TMEM117: variants seen among roughly 807,000 people sequenced by gnomAD.
The protein encoded by TMEM117 is transmembrane protein 117.
TMEM117 carries 27 observed loss-of-function variants against 52.4 expected under a neutral mutation model. The observed-to-expected ratio is 0.51, with a 90% CI of 0.38 to 0.71. The LOEUF is 0.71. Ranked by LOEUF, TMEM117 falls within the 30% of genes least tolerant of loss-of-function variation. The pLI is 0.00. For missense variants in TMEM117, 556 were observed against 630.5 expected, an observed-to-expected ratio of 0.88 and a Z score of 1.26; for synonymous variants, 215 against 206.3, an observed-to-expected ratio of 1.04 and a Z score of -0.36.
At chr12:44,232,613 T>C (rs993304909) in intron 5 of TMEM117, among the ~76,000 whole-genome samples, 41 of 151,598 alleles carry the variant, frequency 2.7e-4, no homozygotes, top group African/African-American at 9.2e-4. Context: ...ACTTTATGAA[T>C]CAGCATGTCA....
intron 3 of TMEM117, among the ~76,000 whole-genome samples, chr12:43,990,247 A>T (rs1945916144): frequency 6.6e-6 from 1 of 152,140 alleles, no homozygotes; most frequent in Non-Finnish European, 1.5e-5. Flanking sequence ...CCCACGTGAA[A>T]AATGTAGATG....
Position 43,861,305 on chromosome 12 carries a change from G to A in TMEM117, c.277+16377G>A, listed in dbSNP as rs3829807. Among the ~76,000 whole-genome samples, 1,329 of 152,186 alleles carry A rather than the reference G, an allele frequency of 8.7e-3. 37 individuals carry two copies. The highest frequency in any genetic ancestry group is 0.067 in the East Asian group (346 of 5,170). On this transcript the variant is annotated intron_variant, in intron 2 of 7. Transcript: ENST00000266534. ...GATGAATAGATTTTCTGTCCATGTC[G>A]GGGAGGGGGTTGTAGAGATGGAGGT...
chr12:44,002,470 A>G (rs1411775525), intron 3 of TMEM117, among the ~76,000 whole-genome samples: 1 of 151,980 alleles, frequency 6.6e-6, no homozygotes. Context: ...CCAAAGTCTC[A>G]CCCTGAGATA....
At chr12:43,862,902 G>A (rs1274796352) in intron 2 of TMEM117, among the ~76,000 whole-genome samples, 1 of 152,224 alleles carries the variant, frequency 6.6e-6, no homozygotes, top group Non-Finnish European at 1.5e-5. Flanking sequence ...GGGAGGCAGA[G>A]GTTGCAGTGA....
Position 44,207,343 on chromosome 12 carries a change from A to T in TMEM117, c.511-3947A>T, listed in dbSNP as rs542219470. 2.0e-5 allele frequency among the ~76,000 whole-genome samples: 3 copies of T among 152,322 alleles called. No individual in the cohort carries two copies. In the East Asian group the frequency reaches 5.8e-4, roughly 29 times the overall value. On this transcript the variant is annotated intron_variant, in intron 4 of 7. Coordinates refer to ENST00000266534, the MANE Select transcript of TMEM117 (RefSeq NM_032256.3). ...ATATGACTTTAGATACAGTATATGT[A>T]GTACCTGCGTGGGAATTAGCTTGTA...
chr12:44,397,999 GT>G, the TMEM117 span, among the ~76,000 whole-genome samples: 9 of 151,714 alleles, frequency 5.9e-5, no homozygotes, highest in African/African-American at 2.2e-4. Flanking sequence ...AGTGTAAGCT[GT>G]TTTTCTACTC....
intron 3 of TMEM117, among the ~76,000 whole-genome samples, chr12:44,130,226 T>C (rs1183598004): frequency 6.6e-6 from 1 of 152,196 alleles, no homozygotes; most frequent in African/African-American, 2.4e-5. Flanking sequence ...CACAGGTATA[T>C]CTTAATTATT....
At chr12:44,362,048 A>G (rs959136695) in intron 6 of TMEM117, among the ~76,000 whole-genome samples, 3 of 152,138 alleles carry the variant, frequency 2.0e-5, no homozygotes, top group African/African-American at 7.2e-5. Flanking sequence ...GGGCTAGATC[A>G]TTCTCATCCT....
At chr12:44,306,746 C>T (rs1266094469) in intron 6 of TMEM117, among the ~76,000 whole-genome samples, 1 of 152,016 alleles carries the variant, frequency 6.6e-6, no homozygotes. Flanking sequence ...TCACATGCAC[C>T]AAATAATGTG....
chr12:44,268,506 A>G (rs1000746025), intron 5 of TMEM117, among the ~76,000 whole-genome samples: 2 of 152,052 alleles, frequency 1.3e-5, no homozygotes, highest in African/African-American at 4.8e-5. Flanking sequence ...GAAATACTAC[A>G]TATGTATGAG....
chr12:43,906,198 C>CA (rs1336344236), intron 2 of TMEM117, among the ~76,000 whole-genome samples: 1 of 152,164 alleles, frequency 6.6e-6, no homozygotes, highest in East Asian at 1.9e-4. Context: ...TGCTATGGCT[C>CA]ATGCCTGAAA....
chr12:43,986,451 C>T (rs1945848366), intron 3 of TMEM117, among the ~76,000 whole-genome samples: 1 of 152,042 alleles, frequency 6.6e-6, no homozygotes, highest in African/African-American at 2.4e-5. Context: ...ACTTTGTTGT[C>T]CTATGGCATC....
chr12:44,145,735 T>C (rs1384012388), intron 4 of TMEM117, among the ~76,000 whole-genome samples: 1 of 152,158 alleles, frequency 6.6e-6, no homozygotes, highest in African/African-American at 2.4e-5. Flanking sequence ...CTGGAGTTTA[T>C]TTCAATCGCC....
At chr12:44,098,368 C>T (rs575684261) in intron 3 of TMEM117, among the ~76,000 whole-genome samples, 18 of 152,042 alleles carry the variant, frequency 1.2e-4, no homozygotes, top group Non-Finnish European at 1.9e-4. Context: ...AAGACAGAGA[C>T]AGCAGGCATT....
At chr12:43,947,965 G>A (rs751096574) in intron 3 of TMEM117, among the ~76,000 whole-genome samples, 1 of 152,096 alleles carries the variant, frequency 6.6e-6, no homozygotes, top group Non-Finnish European at 1.5e-5. Flanking sequence ...CTAAACTGGG[G>A]TCTCATGATC....
chr12:44,230,896 TC>T (rs1361809170), intron 5 of TMEM117, among the ~76,000 whole-genome samples: 2 of 151,928 alleles, frequency 1.3e-5, no homozygotes, highest in Non-Finnish European at 2.9e-5. Context: ...TTATCCCTCC[TC>T]CCTGAAGCAC....
chr12:44,384,894 T>C (rs1395267819), intron 7 of TMEM117, among the ~76,000 whole-genome samples: 2 of 152,164 alleles, frequency 1.3e-5, no homozygotes, highest in Non-Finnish European at 2.9e-5. Context: ...ACACAACATC[T>C]CATTTTATCC....
rs11182310 is a variant in TMEM117, at chr12:43,862,189, G to A, written c.277+17261G>A. Reference sequence around the variant, plus strand: ...GAAATAAACTTTTGTCTTTTTTTGAGATGGAGTCTTGTTCCTTTGCCCAGG... The same window carrying A: ...GAAATAAACTTTTGTCTTTTTTTGAAATGGAGTCTTGTTCCTTTGCCCAGG... On this transcript the variant is annotated intron_variant, in intron 2 of 7. Transcript: ENST00000266534. Among the ~76,000 whole-genome samples the A allele has an allele frequency of 8.7e-3, 1,328 of 152,212 alleles. 38 individuals carry two copies. The highest frequency in any genetic ancestry group is 0.067 in the East Asian group (345 of 5,180).
Position 44,199,501 on chromosome 12 carries a change from C to T in TMEM117, c.511-11789C>T, listed in dbSNP as rs143190121. On this transcript the variant is annotated intron_variant, in intron 4 of 7. Transcript: ENST00000266534. ...CAATATACTGACCAATATATGACCA[C>T]ATTTTCTTCAATGAAATTGAATAAA... is the stretch of plus-strand genomic sequence containing the variant. Among the ~76,000 whole-genome samples the T allele has an allele frequency of 9.9e-5, 15 of 152,220 alleles. No homozygotes were observed. The East Asian group carries it at 1.5e-3, about 16-fold the overall frequency.
Sources: gnomAD v4.1 joint callset for allele counts (sites outside exome capture counted in the v4.1 genomes callset) on GRCh38, gnomAD v4.1.1 for gene constraint, MANE v1.5 for transcripts, NCBI Gene and HGNC (gene_info 2026-07-23, HGNC 2026-07-21) for gene names.